The following RELN variants were observed in gnomAD, a reference collection of about 807,000 sequenced individuals.
RELN encodes reelin.
In RELN, 108 loss-of-function variants were observed where a neutral mutation model predicts 427.6. That is an observed-to-expected ratio of 0.25 (90% CI 0.22 to 0.30). RELN has a LOEUF of 0.30. Among genes scored for constraint, RELN ranks in the 10% least tolerant of loss-of-function variants. RELN has a pLI of 1.00. For missense variants in RELN, 3,715 were observed against 4,302.8 expected, an observed-to-expected ratio of 0.86 and a Z score of 3.82; for synonymous variants, 1,524 against 1,513.4, an observed-to-expected ratio of 1.01 and a Z score of -0.16.
At chr7:103,675,544 G>A (rs373840220) in intron 11 of RELN, among the ~76,000 whole-genome samples, 3 of 151,868 alleles carry the variant, frequency 2.0e-5, no homozygotes, top group Middle Eastern at 3.4e-3. Context: ...CTACTTTAAA[G>A]TTCATATGGA....
At chr7:103,884,826 C>G (rs1794686587) in intron 2 of RELN, among the ~76,000 whole-genome samples, 1 of 152,186 alleles carries the variant, frequency 6.6e-6, no homozygotes. Flanking sequence ...CACTTTTACA[C>G]TGTTGGTGGG....
intron 2 of RELN, among the ~76,000 whole-genome samples, chr7:103,844,226 A>G (rs749089935): frequency 5.9e-5 from 9 of 152,150 alleles, no homozygotes; most frequent in Non-Finnish European, 1.3e-4. Context: ...AAACCAAAAT[A>G]AAACTATCAC....
In RELN at chr7:103,975,831, C is replaced by G. The variant is rs552716061; in HGVS notation, c.226+13300G>C. ...AAAGTGCTAGGATTACAGGCGTGAGCCACCGCACCCGGCCGGAATGGAGCA... is the reference window on the plus strand; with the variant it reads ...AAAGTGCTAGGATTACAGGCGTGAGGCACCGCACCCGGCCGGAATGGAGCA... On this transcript the variant is annotated intron_variant, in intron 1 of 64. Coordinates refer to ENST00000428762, the MANE Select transcript of RELN (RefSeq NM_005045.4). Among the ~76,000 whole-genome samples, 7 of 151,704 alleles carry G rather than the reference C, an allele frequency of 4.6e-5. No homozygotes were observed. The East Asian group carries it at 1.4e-3, about 30-fold the overall frequency.
At chr7:103,825,445 A>T (rs1370815638) in intron 3 of RELN, among the ~76,000 whole-genome samples, 2 of 152,128 alleles carry the variant, frequency 1.3e-5, no homozygotes, top group Non-Finnish European at 2.9e-5. Context: ...GGCAAATAAA[A>T]CTAAAATGAA....
Position 103,968,032 on chromosome 7 carries a change from G to C in RELN, c.226+21099C>G, listed in dbSNP as rs918348638. On this transcript the variant is annotated intron_variant, in intron 1 of 64. Transcript: ENST00000428762. The surrounding 1 kb of genome is among the most constrained non-coding windows in gnomAD (Gnocchi z 4.3). Reference sequence around the variant, plus strand: ...TATATATAAATATAAAATATATTTTGTATATATATTTATATATATGAATAT... The same window carrying C: ...TATATATAAATATAAAATATATTTTCTATATATATTTATATATATGAATAT... Among the ~76,000 whole-genome samples the C allele has an allele frequency of 6.8e-6, 1 of 147,916 alleles. No homozygotes were observed. The highest frequency in any genetic ancestry group is 2.5e-5 in the African/African-American group (1 of 40,702).
intron 20 of RELN, among the ~76,000 whole-genome samples, chr7:103,621,711 T>G (rs1035654278): frequency 1.3e-5 from 2 of 152,118 alleles, no homozygotes; most frequent in Admixed American, 1.3e-4. Flanking sequence ...CCACTGTCCA[T>G]AGAAAATAAC....
chr7:103,727,950 G>A (rs1584440238), intron 7 of RELN, among the ~76,000 whole-genome samples, 161 bp downstream of exon 7: 3 of 152,004 alleles, frequency 2.0e-5, no homozygotes, highest in African/African-American at 7.3e-5. Context: ...CCAAAAATAG[G>A]CCATAGAATC....
intron 11 of RELN, among the ~76,000 whole-genome samples, chr7:103,668,244 G>T (rs1214699588): frequency 1.3e-5 from 2 of 151,948 alleles, no homozygotes; most frequent in African/African-American, 4.8e-5. Flanking sequence ...AAAACAAAAG[G>T]TATGACATAT....
chr7:103,477,376 A>T (rs1828073872), intron 64 of RELN, among the ~76,000 whole-genome samples: 1 of 152,230 alleles, frequency 6.6e-6, no homozygotes, highest in Non-Finnish European at 1.5e-5. Flanking sequence ...GCTCATAGAA[A>T]TATAGGCATT....
intron 1 of RELN, among the ~76,000 whole-genome samples, chr7:103,955,802 C>G: frequency 6.6e-6 from 1 of 152,168 alleles, no homozygotes; most frequent in East Asian, 1.9e-4. Context: ...TATGCAGGGA[C>G]AGGAAAAGCC....
At chr7:103,939,034 C>T (rs1416074665) in intron 1 of RELN, among the ~76,000 whole-genome samples, 6 of 151,866 alleles carry the variant, frequency 4.0e-5, no homozygotes, top group African/African-American at 7.3e-5. Context: ...GCAACCTCTG[C>T]CTCTCGGGTT....
At position 103,496,901 on chromosome 7, in the gene RELN, A is replaced by G. The variant is rs894906436; in HGVS notation, c.8951-133T>C. The G allele has an allele frequency of 3.2e-6, 3 of 928,096 alleles. No homozygotes were observed. In the African/African-American group the frequency reaches 4.9e-5, roughly 15 times the overall value. 57.5% of individuals were successfully genotyped at this position (928,096 alleles called of 1,614,324 possible). On this transcript the variant is annotated intron_variant, in intron 55 of 64. Coordinates refer to ENST00000428762, the MANE Select transcript of RELN (RefSeq NM_005045.4). ...CAGGAAATGACAACTGATTTTCCTG[A>G]CTTTGATATTAGGTATTCACTACTT...
At chr7:103,802,081 T>C (rs62480728) in intron 3 of RELN, among the ~76,000 whole-genome samples, 233 of 152,232 alleles carry the variant, frequency 1.5e-3, no homozygotes, top group Non-Finnish European at 2.8e-3. Flanking sequence ...ACAAAATAAA[T>C]ACAAACCAGG....
chr7:103,864,320 C>T (rs1045548620), intron 2 of RELN, among the ~76,000 whole-genome samples: 3 of 152,094 alleles, frequency 2.0e-5, no homozygotes, highest in African/African-American at 4.8e-5. Flanking sequence ...GAGGTCCACC[C>T]TCTTTAACAA....
rs557886610 is a variant in RELN at position 103,737,738 on chromosome 7, CAG to C, written c.657-9533_657-9532del. On this transcript the variant is annotated intron_variant, in intron 6 of 64. Transcript: ENST00000428762. Reference sequence around the variant, plus strand: ...ATTTTCAGGAGAATACCAGATGCAGCAGAGTCTGTGATCGCTATTTCCCCGGT... The same window carrying C: ...ATTTTCAGGAGAATACCAGATGCAGCAGTCTGTGATCGCTATTTCCCCGGT... Among the ~76,000 whole-genome samples the C allele has an allele frequency of 2.2e-4, 33 of 152,290 alleles. No individual in the cohort carries two copies. The South Asian group carries it at 6.6e-3, about 31-fold the overall frequency.
At chr7:103,547,761 G>A (rs1464821337) in intron 41 of RELN, among the ~76,000 whole-genome samples, 1 of 152,192 alleles carries the variant, frequency 6.6e-6, no homozygotes, top group Non-Finnish European at 1.5e-5. Flanking sequence ...TTGAACAAAA[G>A]CCTACAAGGA....
chr7:103,575,770 G>C (rs1333551232), intron 28 of RELN, 65 bp from the exon 29 acceptor site: 2 of 1,553,426 alleles, frequency 1.3e-6, no homozygotes, highest in East Asian at 2.2e-5. Context: ...TTGGAATATA[G>C]AAAAATTCAG....
intron 49 of RELN, among the ~76,000 whole-genome samples, chr7:103,517,135 C>G (rs1010671868): frequency 6.6e-6 from 1 of 151,604 alleles, no homozygotes; most frequent in African/African-American, 2.4e-5. Context: ...AGTCTATTTC[C>G]TCATTTATGT....
At chr7:103,723,085 T>C (rs1487407247) in intron 8 of RELN, 55 bp downstream of exon 8, 3 of 1,093,450 alleles carry the variant, frequency 2.7e-6, no homozygotes, top group Non-Finnish European at 4.2e-6. Flanking sequence ...TTGCACACTA[T>C]GTTTAAAGCA....
Sources: gnomAD v4.1 joint callset for allele counts (sites outside exome capture counted in the v4.1 genomes callset) on GRCh38, gnomAD v4.1.1 for gene constraint, Gnocchi (gnomAD v3.1) non-coding constraint, MANE v1.5 for transcripts, NCBI Gene and HGNC (gene_info 2026-07-23, HGNC 2026-07-21) for gene names.